The following PDZD2 variants were observed in gnomAD, a reference collection of about 807,000 sequenced individuals.
PDZD2 encodes the protein PDZ domain-containing protein 2.
In PDZD2, 90 loss-of-function variants were observed where a neutral mutation model predicts 220.7. The ratio of observed to expected loss-of-function variants is 0.41; its 90% CI spans 0.34 to 0.49. The LOEUF (loss-of-function observed/expected upper bound fraction) is 0.49. Ranked by LOEUF, PDZD2 falls within the 20% of genes least tolerant of loss-of-function variation. The pLI is 0.28. For synonymous variants in PDZD2, 1,375 were observed against 1,450.5 expected, an observed-to-expected ratio of 0.95 and a Z score of 1.18; for missense variants, 3,174 against 3,608.5, an observed-to-expected ratio of 0.88 and a Z score of 3.08.
chr5:31,644,586 C>T (rs1432862832), intron 1 of PDZD2, among the ~76,000 whole-genome samples: 1 of 152,206 alleles, frequency 6.6e-6, no homozygotes, highest in East Asian at 1.9e-4. Context: ...TAAGCCTCTC[C>T]AGCTCCAGGA....
At position 32,088,521 on chromosome 5, in the gene PDZD2, G is replaced by A. The variant is rs200988906; in HGVS notation, c.5073G>A (p.Ser1691=). The A allele has an allele frequency of 8.6e-5, 138 of 1,613,934 alleles. No homozygotes were observed. The highest frequency in any genetic ancestry group is 1.6e-4 in the Middle Eastern group (1 of 6,084). The change falls in exon 20 of 25, where the codon TCG becomes TCA. Residue 1691 remains serine (S), a synonymous_variant. Coordinates refer to ENST00000438447, the MANE Select transcript of PDZD2 (RefSeq NM_178140.4). This position sits in a 1 kb window ranked among gnomAD's most constrained non-coding sequence, Gnocchi z 4.6. ...DISTSQNHRP[S]CAEETTEVTS... ...GCACTTCACAGAACCACAGGCCCTC[G>A]TGTGCAGAAGAAACCACAGAAGTCA...
chr5:31,821,149 A>G (rs978780662), intron 2 of PDZD2, among the ~76,000 whole-genome samples: 4 of 152,154 alleles, frequency 2.6e-5, no homozygotes, highest in Non-Finnish European at 5.9e-5. Flanking sequence ...TTTTATAATC[A>G]TCTTTTCACT....
intron 2 of PDZD2, among the ~76,000 whole-genome samples, chr5:31,946,066 G>T (rs1005538127): frequency 6.6e-6 from 1 of 152,108 alleles, no homozygotes; most frequent in Non-Finnish European, 1.5e-5. Context: ...GCAGTGGCAC[G>T]ATCCCGGCGC....
At chr5:31,737,394 G>C (rs371292245) in intron 1 of PDZD2, among the ~76,000 whole-genome samples, 3 of 151,960 alleles carry the variant, frequency 2.0e-5, no homozygotes, top group Non-Finnish European at 2.9e-5. Context: ...GGATGGTCTT[G>C]ATCTCCTGAC....
At chr5:32,082,803 A>C (rs1363791366) in intron 19 of PDZD2, among the ~76,000 whole-genome samples, 1 of 152,206 alleles carries the variant, frequency 6.6e-6, no homozygotes, top group African/African-American at 2.4e-5. Flanking sequence ...ATGGCCGACC[A>C]AGATGTGTTG....
intron 19 of PDZD2, among the ~76,000 whole-genome samples, chr5:32,079,684 G>A (rs1013739477): frequency 5.1e-4 from 78 of 152,024 alleles, no homozygotes; most frequent in African/African-American, 1.8e-3. Flanking sequence ...GTTGGCGGGC[G>A]CCTGTAATCC....
chr5:32,044,459 G>C (rs1010331429), intron 7 of PDZD2, among the ~76,000 whole-genome samples: 3 of 152,136 alleles, frequency 2.0e-5, no homozygotes, highest in Admixed American at 2.0e-4. Flanking sequence ...TGGATCTCAA[G>C]GATGCAAGAT....
At chr5:32,013,109 A>G (rs1297633747) in intron 6 of PDZD2, among the ~76,000 whole-genome samples, 1 of 152,104 alleles carries the variant, frequency 6.6e-6, no homozygotes, top group African/African-American at 2.4e-5. Flanking sequence ...TTATATTAAC[A>G]TGCTTATGAA....
In PDZD2 at chr5:32,109,100, CTA is replaced by C. The variant is rs1263061644; in HGVS notation, c.*966_*967del. ...TATGCACTCCAACCATGAATTTAAACTAAATTTTTAGAAATCAAGTATCTTTC... is the reference window on the plus strand; with the variant it reads ...TATGCACTCCAACCATGAATTTAAACAATTTTTAGAAATCAAGTATCTTTC... On this transcript the variant is annotated 3_prime_UTR_variant, in exon 25 of 25. Coordinates refer to ENST00000438447, the MANE Select transcript of PDZD2 (RefSeq NM_178140.4). 3 of 152,206 alleles carry C rather than the reference CTA, an allele frequency of 2.0e-5. No homozygotes were observed. The highest frequency in any genetic ancestry group is 2.9e-5 in the Non-Finnish European group (2 of 68,022). The allele number at this position is 152,206 out of a possible 1,614,324, so 9.4% of individuals were successfully genotyped here. A position where few individuals can be genotyped will look rare whatever the true frequency, so the allele number is the denominator to read the frequency against.
Position 32,088,656 on chromosome 5 carries a change from T to C in PDZD2, c.5208T>C (p.His1736=). 1 of 1,614,018 alleles carries C rather than the reference T, an allele frequency of 6.2e-7. No homozygotes were observed. Among genetic ancestry groups the C allele is most frequent in the Non-Finnish European group, 8.5e-7 (1 of 1,179,900 alleles). ...CCAACATGGTAAATGGCTTGGAACA[T>C]GACCTGCTAGATGACGAAACCCTGA... ...SSPNMVNGLE[H]DLLDDETLNQ... The change falls in exon 20 of 25, where the codon CAT becomes CAC. Residue 1736 remains histidine (H), a synonymous_variant. Coordinates refer to ENST00000438447, the MANE Select transcript of PDZD2 (RefSeq NM_178140.4). The surrounding 1 kb of genome is among the most constrained non-coding windows in gnomAD (Gnocchi z 4.6).
chr5:31,857,606 C>T (rs1313112267), intron 2 of PDZD2, among the ~76,000 whole-genome samples: 1 of 152,096 alleles, frequency 6.6e-6, no homozygotes, highest in African/African-American at 2.4e-5. Context: ...ATTCTAAAGG[C>T]TTATGCTTTG....
rs192418973 is a variant in PDZD2, at chr5:31,797,527, G to T, written c.-360-1362G>T. On this transcript the variant is annotated intron_variant, in intron 1 of 24. Transcript: ENST00000438447. ...TTTTTGTATTTTTAGTAGAGATGGGGTTTCACCATGTTGGCCAGACTGGTC... is the reference window on the plus strand; with the variant it reads ...TTTTTGTATTTTTAGTAGAGATGGGTTTTCACCATGTTGGCCAGACTGGTC... Among the ~76,000 whole-genome samples, 83 of 148,530 alleles carry T rather than the reference G, an allele frequency of 5.6e-4. 2 individuals carry two copies. The East Asian group carries it at 0.015, about 27-fold the overall frequency.
intron 1 of PDZD2, among the ~76,000 whole-genome samples, chr5:31,750,279 T>G (rs990320332): frequency 4.6e-5 from 7 of 152,334 alleles, no homozygotes; most frequent in African/African-American, 1.7e-4. Context: ...GAGCCCATTG[T>G]GTCCCCCAGC....
intron 2 of PDZD2, among the ~76,000 whole-genome samples, chr5:31,940,793 T>C (rs1295930399): frequency 3.3e-5 from 5 of 152,208 alleles, no homozygotes; most frequent in African/African-American, 1.2e-4. Context: ...AGTCTCTATT[T>C]CAGTGAGACA....
At chr5:31,845,793 AG>A (rs1757550631) in intron 2 of PDZD2, among the ~76,000 whole-genome samples, 1 of 152,256 alleles carries the variant, frequency 6.6e-6, no homozygotes, top group African/African-American at 2.4e-5. Flanking sequence ...AGATTGTAAT[AG>A]GGATTTAATG....
At chr5:31,746,886 A>G (rs1221118678) in intron 1 of PDZD2, among the ~76,000 whole-genome samples, 2 of 152,238 alleles carry the variant, frequency 1.3e-5, no homozygotes, top group Non-Finnish European at 2.9e-5. Flanking sequence ...TAAGTTTTGT[A>G]GGTCATGCGC....
At chr5:31,713,201 A>G (rs1027031418) in intron 1 of PDZD2, among the ~76,000 whole-genome samples, 4 of 152,226 alleles carry the variant, frequency 2.6e-5, no homozygotes, top group African/African-American at 9.6e-5. Context: ...ATTGGTCTCA[A>G]CATTTGCCAT....
At chr5:32,064,999 A>G (rs1298382128) in intron 14 of PDZD2, among the ~76,000 whole-genome samples, 1 of 151,552 alleles carries the variant, frequency 6.6e-6, no homozygotes, top group Non-Finnish European at 1.5e-5. Context: ...CAAAGTGTTC[A>G]TTAAGAATAT....
intron 3 of PDZD2, among the ~76,000 whole-genome samples, chr5:31,985,575 C>T (rs1382152531): frequency 6.6e-6 from 1 of 152,066 alleles, no homozygotes; most frequent in East Asian, 1.9e-4. Context: ...TGCCTGTAAT[C>T]CTAGCTACTC....
Sources: gnomAD v4.1 joint callset for allele counts (sites outside exome capture counted in the v4.1 genomes callset) on GRCh38, gnomAD v4.1.1 for gene constraint, Gnocchi (gnomAD v3.1) non-coding constraint, MANE v1.5 for transcripts, NCBI Gene and HGNC (gene_info 2026-07-23, HGNC 2026-07-21) for gene names.